The following ADAMTS19 variants were observed in gnomAD, a reference collection of about 807,000 sequenced individuals.
ADAMTS19 encodes ADAM metallopeptidase with thrombospondin type 1 motif 19.
In ADAMTS19, 93 loss-of-function variants were observed where a neutral mutation model predicts 153.3. The ratio of observed to expected loss-of-function variants is 0.61; its 90% CI spans 0.51 to 0.72. The LOEUF (loss-of-function observed/expected upper bound fraction) is 0.72. Among genes scored for constraint, ADAMTS19 ranks in the 30% least tolerant of loss-of-function variants. ADAMTS19 has a pLI of 0.00. For synonymous variants in ADAMTS19, 600 were observed against 556.6 expected, an observed-to-expected ratio of 1.08 and a Z score of -1.10; for missense variants, 1,482 against 1,552.1, an observed-to-expected ratio of 0.95 and a Z score of 0.76.
chr5:129,602,380 C>A (rs944929953), intron 8 of ADAMTS19, among the ~76,000 whole-genome samples: 16 of 152,166 alleles, frequency 1.1e-4, no homozygotes, highest in African/African-American at 3.9e-4. Context: ...ACTTCGCACC[C>A]GGCCTTACAC....
chr5:129,603,723 G>T (rs1363512651), intron 8 of ADAMTS19, among the ~76,000 whole-genome samples: 1 of 152,152 alleles, frequency 6.6e-6, no homozygotes, highest in Non-Finnish European at 1.5e-5. Context: ...CACTGGCTTA[G>T]CACATTGAGG....
At chr5:129,682,501 A>C (rs1754867533) in intron 17 of ADAMTS19, among the ~76,000 whole-genome samples, 1 of 152,350 alleles carries the variant, frequency 6.6e-6, no homozygotes, top group Admixed American at 6.5e-5. Context: ...ATGAAAAGGT[A>C]GTTTATTAGG....
chr5:129,560,470 T>C (rs1753465446), intron 7 of ADAMTS19, among the ~76,000 whole-genome samples: 1 of 152,180 alleles, frequency 6.6e-6, no homozygotes, highest in South Asian at 2.1e-4. Flanking sequence ...AGGCTGAACA[T>C]TTTGGATCTG....
intron 7 of ADAMTS19, among the ~76,000 whole-genome samples, chr5:129,583,165 A>T (rs945147546): frequency 6.6e-6 from 1 of 152,104 alleles, no homozygotes; most frequent in African/African-American, 2.4e-5. Context: ...TCCTTCACTT[A>T]TGAAGCTTAG....
chr5:129,622,250 G>A lies in ADAMTS19; in HGVS notation c.1672G>A (p.Val558Met). Residue 558 changes from valine to methionine, a missense_variant, in exon 10 of 23, where the codon GTG becomes ATG. Val to Met is a conservative substitution (Grantham distance 21). Around this residue, in one of 2 missense-constraint regions of ADAMTS19, gnomAD observed 866 missense variants for 827.7 expected, o/e 1.05. Coordinates refer to ENST00000274487, the MANE Select transcript of ADAMTS19 (RefSeq NM_133638.6). The part of the protein sequence containing the change: ...LQTNPQSVNS[V>M]MVPSKLPGMT... The stretch of plus-strand genomic sequence containing the variant: ...AACAAATCCGCAGAGTGTCAATTCT[G>A]TGATGGTTCCCTCCAAGCTGCCAGG... 1 of 1,614,102 alleles carries A rather than the reference G, an allele frequency of 6.2e-7. No individual in the cohort carries two copies. Among genetic ancestry groups the A allele is most frequent in the East Asian group, 2.2e-5 (1 of 44,864 alleles).
intron 19 of ADAMTS19, among the ~76,000 whole-genome samples, chr5:129,695,330 GCCCAATC>G (rs1300046120): frequency 6.6e-6 from 1 of 152,134 alleles, no homozygotes; most frequent in Admixed American, 6.5e-5. Flanking sequence ...GAAGCAAACT[GCCCAATC>G]CCTGATCTCT....
At chr5:129,726,201 A>G (rs530812918) in intron 21 of ADAMTS19, among the ~76,000 whole-genome samples, 36 of 152,250 alleles carry the variant, frequency 2.4e-4, no homozygotes, top group Non-Finnish European at 4.6e-4. Context: ...AATCTCGTAC[A>G]TGGAGTAGAT....
At chr5:129,470,569 GA>G (rs1350278242) in intron 2 of ADAMTS19, among the ~76,000 whole-genome samples, 1 of 152,220 alleles carries the variant, frequency 6.6e-6, no homozygotes, top group East Asian at 1.9e-4. Context: ...TAGACTGAGA[GA>G]AGTGAGAAAA....
rs529317601 is a variant in ADAMTS19 at position 129,570,471 on chromosome 5, T to C, written c.1372+18564T>C. 2.8e-4 allele frequency among the ~76,000 whole-genome samples: 43 copies of C among 151,960 alleles called. No individual in the cohort carries two copies. The South Asian group carries it at 4.8e-3, about 17-fold the overall frequency. On this transcript the variant is annotated intron_variant, in intron 7 of 22. Transcript: ENST00000274487. Reference sequence around the variant, plus strand: ...AATAAAATCTCCAGCACTAGGATGTTTCATTAGTAAATTAAAGAAAAAATT... The same window carrying C: ...AATAAAATCTCCAGCACTAGGATGTCTCATTAGTAAATTAAAGAAAAAATT...
At chr5:129,615,316 T>C (rs1751461534) in intron 8 of ADAMTS19, among the ~76,000 whole-genome samples, 1 of 152,006 alleles carries the variant, frequency 6.6e-6, no homozygotes, top group South Asian at 2.1e-4. Context: ...GAAAATCAGA[T>C]TGATATCAGT....
intron 1 of ADAMTS19, among the ~76,000 whole-genome samples, 165 bp from the exon 2 acceptor site, chr5:129,460,937 C>T (rs1749625970): frequency 6.7e-6 from 1 of 149,950 alleles, no homozygotes; most frequent in South Asian, 2.1e-4. Context: ...GGTCTGTAAT[C>T]TGATCGCAAG....
At chr5:129,471,450 A>AGAAG (rs141743571) in intron 2 of ADAMTS19, among the ~76,000 whole-genome samples, 16,822 of 146,526 alleles carry the variant, frequency 0.11, 1,042 homozygotes, top group East Asian at 0.2. Flanking sequence ...AGAAAGAAAA[A>AGAAG]GAAGGAAGGA....
intron 16 of ADAMTS19, among the ~76,000 whole-genome samples, chr5:129,671,998 G>A (rs1232156257): frequency 6.6e-6 from 1 of 152,124 alleles, no homozygotes; most frequent in South Asian, 2.1e-4. Context: ...ATAACAAAGT[G>A]CCATGGACTT....
intron 18 of ADAMTS19, among the ~76,000 whole-genome samples, chr5:129,689,706 T>C (rs1005478246): frequency 2.0e-5 from 3 of 152,212 alleles, no homozygotes; most frequent in African/African-American, 7.2e-5. Context: ...ATTACAGGCA[T>C]GAGCCACCGT....
chr5:129,502,050 T>C (rs1311479102), intron 2 of ADAMTS19, among the ~76,000 whole-genome samples: 2 of 151,926 alleles, frequency 1.3e-5, no homozygotes, highest in Non-Finnish European at 2.9e-5. Flanking sequence ...ATCATCTCCA[T>C]AAAGGAGGTT....
At chr5:129,704,468 C>A in intron 21 of ADAMTS19, 77 bp downstream of exon 21, 1 of 1,504,156 alleles carries the variant, frequency 6.6e-7, no homozygotes, top group Non-Finnish European at 9.0e-7. Flanking sequence ...AACCACATAG[C>A]ATGGAGTTTA....
intron 8 of ADAMTS19, among the ~76,000 whole-genome samples, chr5:129,605,656 T>C (rs1750858119): frequency 6.6e-6 from 1 of 152,166 alleles, no homozygotes; most frequent in Non-Finnish European, 1.5e-5. Flanking sequence ...TATAATGAGA[T>C]CTTGTCTACT....
chr5:129,687,882 GC>G (rs1419839063), intron 18 of ADAMTS19, among the ~76,000 whole-genome samples: 6 of 152,154 alleles, frequency 3.9e-5, no homozygotes, highest in Admixed American at 1.3e-4. Context: ...ATTTAGATAT[GC>G]TTTTATTTTT....
chr5:129,549,532 TAATAAAC>T (rs1333059495), intron 6 of ADAMTS19, among the ~76,000 whole-genome samples: 1 of 151,602 alleles, frequency 6.6e-6, no homozygotes, highest in Non-Finnish European at 1.5e-5. Context: ...ACCGAGTACT[TAATAAAC>T]AATAAACTTT....
Sources: gnomAD v4.1 joint callset for allele counts (sites outside exome capture counted in the v4.1 genomes callset) on GRCh38, gnomAD v4.1.1 for gene constraint, gnomAD v4.1.1 regional missense constraint, MANE v1.5 for transcripts, NCBI Gene and HGNC (gene_info 2026-07-23, HGNC 2026-07-21) for gene names.